KMT2E: variants seen among roughly 807,000 people sequenced by gnomAD.
KMT2E encodes lysine methyltransferase 2E (inactive).
KMT2E carries 30 observed loss-of-function variants against 184.6 expected under a neutral mutation model. The ratio of observed to expected loss-of-function variants is 0.16; its 90% CI spans 0.12 to 0.22. KMT2E has a LOEUF of 0.22. Ranked by LOEUF, KMT2E falls within the 10% of genes least tolerant of loss-of-function variation. The probability of loss-of-function intolerance (pLI) is 1.00; values close to 1 mark genes in which losing one functional copy is unlikely to be tolerated. For synonymous variants in KMT2E, 815 were observed against 776.5 expected (o/e 1.05, Z -0.82); for missense variants, 2,023 against 2,237.4 (o/e 0.90, Z 1.93).
chr7:105,062,787 A>G (rs553854169), intron 4 of KMT2E, among the ~76,000 whole-genome samples: 11 of 152,066 alleles, frequency 7.2e-5, no homozygotes, highest in African/African-American at 1.9e-4. Flanking sequence ...TAAATATTGC[A>G]TATCTAGTAA....
rs1229800959 is a variant in KMT2E at position 105,114,651 on chromosome 7, C to CAATT, written c.*1320_*1323dup. On this transcript the variant is annotated 3_prime_UTR_variant, in exon 27 of 27. Transcript: ENST00000311117. ...ATCAATCAACATATTTTTCATCATCCAATTACCTGACATAATTTGGCACAG... is the reference window on the plus strand; with the variant it reads ...ATCAATCAACATATTTTTCATCATCCAATTAATTACCTGACATAATTTGGCACAG... Among the ~76,000 whole-genome samples, 2 of 152,102 alleles carry CAATT rather than the reference C, an allele frequency of 1.3e-5. No individual in the cohort carries two copies. Among genetic ancestry groups the CAATT allele is most frequent in the African/African-American group, 4.8e-5 (2 of 41,400 alleles).
In KMT2E at chr7:105,063,380, G is replaced by A. The variant is rs764413185; in HGVS notation, c.216G>A (p.Pro72=). ...ADHNYGARPP[P]TPPASPPPSV... ...ATAATTATGGTGCTCGTCCTCCTCC[G>A]ACACCTCCGGCTTCCCCTCCTCCAT... The change falls in exon 5 of 27, where the codon CCG becomes CCA. Residue 72 remains proline (P), a synonymous_variant. Transcript: ENST00000311117. 1.2e-5 allele frequency: 19 copies of A among 1,611,574 alleles called. No individual in the cohort carries two copies. Among genetic ancestry groups the A allele is most frequent in the South Asian group, 5.5e-5 (5 of 90,666 alleles).
chr7:105,019,583 TTCA>T (rs1414095822), intron 1 of KMT2E, among the ~76,000 whole-genome samples: 1 of 152,352 alleles, frequency 6.6e-6, no homozygotes, highest in Non-Finnish European at 1.5e-5. Context: ...AAACTACTTG[TTCA>T]TCATTTTTAA....
intron 3 of KMT2E, among the ~76,000 whole-genome samples, chr7:105,057,162 A>G (rs1166295451): frequency 6.6e-6 from 1 of 152,232 alleles, no homozygotes; most frequent in Non-Finnish European, 1.5e-5. Context: ...GTAAGGGTTA[A>G]GAGTTATTCT....
In KMT2E at chr7:105,107,620, T is replaced by A. The variant is rs1447434880; in HGVS notation, c.3163T>A (p.Ser1055Thr). 6.2e-7 allele frequency: 1 copy of A among 1,614,176 alleles called. No homozygotes were observed. The change falls in exon 22 of 27, where the codon TCG (serine) becomes ACG (threonine). Residue 1055 changes from serine to threonine, a missense_variant. Ser to Thr is a moderately conservative substitution (Grantham distance 58). Around this residue, in one of 8 missense-constraint regions of KMT2E, gnomAD observed 1,108 missense variants for 1,050.9 expected, o/e 1.05. Coordinates refer to ENST00000311117, the MANE Select transcript of KMT2E (RefSeq NM_182931.3). Reference sequence around the variant, plus strand: ...GGCTGAGCCCAACAGCCAACTGGACTCGACTCACTCTGGACGGGGCACAAT... The same window carrying A: ...GGCTGAGCCCAACAGCCAACTGGACACGACTCACTCTGGACGGGGCACAAT... Reference protein sequence around the residue: ...DRAEPNSQLDSTHSGRGTMYS... With the variant: ...DRAEPNSQLDTTHSGRGTMYS...
chr7:105,100,354 G>A (rs1187162076), intron 15 of KMT2E, among the ~76,000 whole-genome samples: 2 of 152,120 alleles, frequency 1.3e-5, no homozygotes, highest in Admixed American at 6.5e-5. Flanking sequence ...GTAATTACTG[G>A]AACTAAAGCT....
intron 1 of KMT2E, among the ~76,000 whole-genome samples, chr7:105,018,246 C>T (rs572923747): frequency 7.9e-5 from 12 of 152,234 alleles, no homozygotes; most frequent in African/African-American, 2.6e-4. Context: ...ATGTGTACAA[C>T]CATAGTGTGT....
intron 3 of KMT2E, among the ~76,000 whole-genome samples, chr7:105,042,368 AT>A (rs34326437): frequency 0.23 from 34,884 of 151,894 alleles, 5,359 homozygotes; most frequent in East Asian, 0.58. Context: ...TTTTCTTATA[AT>A]TTTTTTCACT....
At chr7:105,056,958 A>G (rs1796591456) in intron 3 of KMT2E, among the ~76,000 whole-genome samples, 1 of 152,344 alleles carries the variant, frequency 6.6e-6, no homozygotes, top group Admixed American at 6.5e-5. Context: ...CTCGTTATAA[A>G]AGAGTTTGGA....
intron 3 of KMT2E, among the ~76,000 whole-genome samples, chr7:105,051,446 A>G (rs1003841649): frequency 6.6e-6 from 1 of 151,922 alleles, no homozygotes; most frequent in Non-Finnish European, 1.5e-5. Flanking sequence ...CGGCCTACCA[A>G]AGTACTGGGA....
intron 3 of KMT2E, among the ~76,000 whole-genome samples, chr7:105,046,162 T>A (rs1447253414): frequency 6.6e-6 from 1 of 152,194 alleles, no homozygotes; most frequent in African/African-American, 2.4e-5. Flanking sequence ...ACTAATTCTC[T>A]CTTCTTTCCC....
rs542836904 is a variant in KMT2E, at chr7:105,048,791, T to A, written c.71+7768T>A. Among the ~76,000 whole-genome samples, 4 of 152,338 alleles carry A rather than the reference T, an allele frequency of 2.6e-5. No homozygotes were observed. In the South Asian group the frequency reaches 6.2e-4, roughly 24 times the overall value. ...TGTAAATGAATGGACATGACAGTGT[T>A]CCGATAACACTTTGTCTACAGAATC... On this transcript the variant is annotated intron_variant, in intron 3 of 26. Transcript: ENST00000311117.
At chr7:105,089,119 G>A (rs1364278805) in intron 13 of KMT2E, 1 of 279,694 alleles carries the variant, frequency 3.6e-6, no homozygotes, top group Non-Finnish European at 7.1e-6. Flanking sequence ...AAGTTTTAAT[G>A]TGTTTGTTTT....
chr7:105,034,282 T>A (rs1204875203), intron 1 of KMT2E, among the ~76,000 whole-genome samples: 2 of 152,126 alleles, frequency 1.3e-5, no homozygotes, highest in African/African-American at 4.8e-5. Flanking sequence ...GTTGCCCAGG[T>A]TGGAGAGTAG....
chr7:105,101,723 G>A (rs1648322731), intron 16 of KMT2E, 134 bp downstream of exon 16: 15 of 948,850 alleles, frequency 1.6e-5, no homozygotes, highest in South Asian at 2.2e-5. Flanking sequence ...TCCTATGGGA[G>A]TTTCAGCTTG....
At chr7:105,054,889 A>G (rs916617970) in intron 3 of KMT2E, among the ~76,000 whole-genome samples, 1 of 152,202 alleles carries the variant, frequency 6.6e-6, no homozygotes, top group African/African-American at 2.4e-5. Context: ...CCATGCAGTC[A>G]TGAGGATCAC....
intron 3 of KMT2E, among the ~76,000 whole-genome samples, chr7:105,055,649 G>T (rs1469915865): frequency 6.6e-6 from 1 of 152,218 alleles, no homozygotes; most frequent in Non-Finnish European, 1.5e-5. Context: ...TGTGCTGCTG[G>T]TTGTCTGTAG....
intron 3 of KMT2E, among the ~76,000 whole-genome samples, chr7:105,041,324 T>C (rs865799541): frequency 6.6e-6 from 1 of 152,218 alleles, no homozygotes; most frequent in African/African-American, 2.4e-5. Flanking sequence ...TGTATTTTCC[T>C]ATAGTATTTG....
rs779469744 is a variant in KMT2E at position 105,066,760 on chromosome 7, T to C, written c.450T>C (p.Asp150=). ...AACATATTGACTGCATGGGGATTGA[T>C]AGGCAGCATATTCCTGATACATATC... is the stretch of plus-strand genomic sequence containing the variant. ...VWQHIDCMGI[D]RQHIPDTYLC... is the part of the protein sequence containing the mutation. The change falls in exon 6 of 27, where the codon GAT becomes GAC. Residue 150 remains aspartate (D), a synonymous_variant. Coordinates refer to ENST00000311117, the MANE Select transcript of KMT2E (RefSeq NM_182931.3). 1 of 1,613,082 alleles carries C rather than the reference T, an allele frequency of 6.2e-7. No homozygotes were observed. Among genetic ancestry groups the C allele is most frequent in the Admixed American group, 1.7e-5 (1 of 59,982 alleles).
Sources: allele counts gnomAD v4.1 joint callset (sites outside exome capture counted in the v4.1 genomes callset), GRCh38; gene constraint gnomAD v4.1.1; regional missense constraint gnomAD v4.1.1; transcripts MANE v1.5; gene names NCBI Gene and HGNC (gene_info 2026-07-23, HGNC 2026-07-21).